The following SPECC1 variants were observed in gnomAD, a reference collection of about 807,000 sequenced individuals.
The protein encoded by SPECC1 is cytospin-B.
SPECC1 carries 62 observed loss-of-function variants against 104.1 expected under a neutral mutation model. That is an observed-to-expected ratio of 0.60 (90% CI 0.49 to 0.74). The LOEUF (loss-of-function observed/expected upper bound fraction) is 0.74. Ranked by LOEUF, SPECC1 falls within the 30% of genes least tolerant of loss-of-function variation. The probability of loss-of-function intolerance (pLI) is 0.00; values close to 1 mark genes in which losing one functional copy is unlikely to be tolerated. For missense variants in SPECC1, 1,306 were observed against 1,310.5 expected, an observed-to-expected ratio of 1.00 and a Z score of 0.05; for synonymous variants, 513 against 501.6, an observed-to-expected ratio of 1.02 and a Z score of -0.30.
chr17:20,298,948 A>AGAGT, intron 13 of SPECC1, among the ~76,000 whole-genome samples: 5 of 49,072 alleles, frequency 1.0e-4, no homozygotes, highest in African/African-American at 1.9e-4. Context: ...AGAGAGAGAG[A>AGAGT]GTGTGTGTGT....
intron 3 of SPECC1, among the ~76,000 whole-genome samples, chr17:20,117,286 A>C (rs983690909): frequency 1.3e-5 from 2 of 152,190 alleles, no homozygotes; most frequent in Non-Finnish European, 2.9e-5. Context: ...AAACTGCAAG[A>C]CTACAAAGAG....
chr17:20,261,927 C>T (rs1210851475), intron 12 of SPECC1, among the ~76,000 whole-genome samples: 2 of 152,188 alleles, frequency 1.3e-5, no homozygotes, highest in Non-Finnish European at 2.9e-5. Context: ...TATGACTTTC[C>T]CATCATAGCC....
intron 3 of SPECC1, among the ~76,000 whole-genome samples, chr17:20,121,290 C>A (rs938588471): frequency 7.9e-5 from 12 of 152,080 alleles, no homozygotes; most frequent in African/African-American, 2.9e-4. Flanking sequence ...TATGGAACAT[C>A]CACTTTTTCT....
At chr17:20,112,522 C>A (rs1402820695) in intron 3 of SPECC1, 2 of 773,362 alleles carry the variant, frequency 2.6e-6, no homozygotes, top group Non-Finnish European at 4.8e-6. Context: ...CTCATTTGGA[C>A]CTTTGAAACA....
chr17:20,102,416 C>T (rs2047985208), intron 2 of SPECC1, among the ~76,000 whole-genome samples: 1 of 152,190 alleles, frequency 6.6e-6, no homozygotes, highest in Non-Finnish European at 1.5e-5. Context: ...AAACTCCATG[C>T]CCTATGGGAG....
At chr17:20,102,992 T>C (rs900017776) in intron 2 of SPECC1, among the ~76,000 whole-genome samples, 2 of 152,194 alleles carry the variant, frequency 1.3e-5, no homozygotes, top group African/African-American at 4.8e-5. Context: ...TACTTACTTT[T>C]TAGGTGAAGA....
At chr17:20,017,209 T>A (rs1203452501) in intron 1 of SPECC1, 1 of 152,224 alleles carries the variant, frequency 6.6e-6, no homozygotes, top group East Asian at 1.9e-4. Context: ...TGGAATGCGT[T>A]CTTATTACTG....
chr17:20,301,830 C>T (rs1347163544), intron 13 of SPECC1, among the ~76,000 whole-genome samples: 1 of 152,018 alleles, frequency 6.6e-6, no homozygotes, highest in Non-Finnish European at 1.5e-5. Context: ...CTCAACCTCT[C>T]GAGTAGCTGT....
intron 3 of SPECC1, among the ~76,000 whole-genome samples, chr17:20,136,499 AT>A (rs199955872): frequency 3.3e-5 from 5 of 150,664 alleles, no homozygotes; most frequent in South Asian, 4.2e-4. Context: ...AGTTTTATTC[AT>A]TTTTTTTGGA....
intron 1 of SPECC1, chr17:20,086,986 C>A (rs1567832958): frequency 6.6e-6 from 1 of 152,272 alleles, no homozygotes; most frequent in South Asian, 2.1e-4. Flanking sequence ...GTGCCCATAT[C>A]CCCGCTTGGC....
chr17:20,131,867 C>T (rs944814042), intron 3 of SPECC1, among the ~76,000 whole-genome samples: 1 of 152,032 alleles, frequency 6.6e-6, no homozygotes, highest in East Asian at 1.9e-4. Context: ...CCAGGCTGGT[C>T]TTGAACTCCT....
intron 1 of SPECC1, among the ~76,000 whole-genome samples, chr17:20,055,894 C>G (rs187181793): frequency 6.6e-6 from 1 of 152,228 alleles, no homozygotes; most frequent in Non-Finnish European, 1.5e-5. Context: ...TTCAGTGCCT[C>G]TCTGGAGCAT....
intron 3 of SPECC1, among the ~76,000 whole-genome samples, chr17:20,186,555 A>G (rs1053072526): frequency 5.9e-5 from 9 of 152,140 alleles, no homozygotes; most frequent in Admixed American, 2.0e-4. Flanking sequence ...GGTTTACGTG[A>G]TTTTTGTATG....
chr17:20,280,987 G>A (rs538894209), intron 12 of SPECC1, among the ~76,000 whole-genome samples: 106 of 152,342 alleles, frequency 7.0e-4, no homozygotes, highest in African/African-American at 1.9e-3. Flanking sequence ...ATTCAGCTGC[G>A]TTAGTGTGAG....
At chr17:20,081,295 A>G (rs1597662521) in intron 1 of SPECC1, among the ~76,000 whole-genome samples, 1 of 152,248 alleles carries the variant, frequency 6.6e-6, no homozygotes, top group Admixed American at 6.5e-5. Context: ...GCCTAGATAC[A>G]GGAGGTGCTT....
chr17:20,149,203 C>T (rs1254552043), intron 3 of SPECC1, among the ~76,000 whole-genome samples: 5 of 152,088 alleles, frequency 3.3e-5, no homozygotes, highest in Admixed American at 1.3e-4. Context: ...AAGGAGGCAA[C>T]GTGCAGTTGT....
chr17:20,187,569 A>G (rs2151265423), intron 3 of SPECC1, among the ~76,000 whole-genome samples: 1 of 152,294 alleles, frequency 6.6e-6, no homozygotes. Context: ...GAAGATGGAG[A>G]GAAATTGACC....
At chr17:20,033,111 C>T (rs1387668488) in intron 1 of SPECC1, among the ~76,000 whole-genome samples, 2 of 151,746 alleles carry the variant, frequency 1.3e-5, no homozygotes, top group Non-Finnish European at 2.9e-5. Flanking sequence ...TTACAGGCAT[C>T]CACCACCATG....
intron 1 of SPECC1, chr17:20,017,138 C>A (rs894650601): frequency 6.6e-6 from 1 of 152,268 alleles, no homozygotes; most frequent in African/African-American, 2.4e-5. Flanking sequence ...CTGCCCGAGC[C>A]AAGAGTGGTA....
Sources: allele counts gnomAD v4.1 joint callset (sites outside exome capture counted in the v4.1 genomes callset), GRCh38; gene constraint gnomAD v4.1.1; transcripts MANE v1.5; gene names NCBI Gene and HGNC (gene_info 2026-07-23, HGNC 2026-07-21).